LMO7: variants seen among roughly 807,000 people sequenced by gnomAD.
The protein encoded by LMO7 is LIM domain 7.
A neutral mutation model predicts 206.5 loss-of-function variants in LMO7; 120 were observed. The ratio of observed to expected loss-of-function variants is 0.58; its 90% CI spans 0.50 to 0.68. The LOEUF is 0.68. Ranked by LOEUF, LMO7 falls within the 30% of genes least tolerant of loss-of-function variation. The probability of loss-of-function intolerance (pLI) is 0.00; values close to 1 mark genes in which losing one functional copy is unlikely to be tolerated. For synonymous variants in LMO7, 706 were observed against 681.5 expected (o/e 1.04, Z -0.56); for missense variants, 1,959 against 1,957.9 (o/e 1.00, Z -0.01).
At chr13:75,721,182 A>T (rs548340859) in intron 2 of LMO7, among the ~76,000 whole-genome samples, 97 of 152,346 alleles carry the variant, frequency 6.4e-4, no homozygotes, top group African/African-American at 2.2e-3. Flanking sequence ...TGTTGTTGGT[A>T]AGAGCAAAAA....
chr13:75,857,803 G>T, intron 30 of LMO7, 118 bp from the exon 31 acceptor site: 1 of 573,522 alleles, frequency 1.7e-6, no homozygotes, highest in South Asian at 2.8e-5. Context: ...TGAGTGACAG[G>T]TTACTCTTTC....
chr13:75,694,926 G>A (rs1187343638), intron 1 of LMO7, among the ~76,000 whole-genome samples: 1 of 152,100 alleles, frequency 6.6e-6, no homozygotes, highest in Non-Finnish European at 1.5e-5. Flanking sequence ...AGGAGGGAGT[G>A]GCTGGCAAGT....
intron 15 of LMO7, among the ~76,000 whole-genome samples, chr13:75,832,651 AG>A (rs1160208061): frequency 6.6e-6 from 1 of 152,164 alleles, no homozygotes; most frequent in Admixed American, 6.5e-5. Context: ...TATTGGGAGT[AG>A]GTGTTTAAAA....
chr13:75,677,477 C>T (rs1033589585), intron 1 of LMO7, among the ~76,000 whole-genome samples: 1 of 151,890 alleles, frequency 6.6e-6, no homozygotes, highest in Non-Finnish European at 1.5e-5. Flanking sequence ...GATATTTTAG[C>T]GAAAATATCA....
At chr13:75,856,038 T>C (rs372797032) in intron 29 of LMO7, among the ~76,000 whole-genome samples, 1 of 152,154 alleles carries the variant, frequency 6.6e-6, no homozygotes, top group Admixed American at 6.5e-5. Context: ...AATTAGAGTT[T>C]GGGCACATGG....
upstream of LMO7, among the ~76,000 whole-genome samples, chr13:75,634,556 C>G (rs1046105793): frequency 1.4e-4 from 21 of 152,056 alleles, no homozygotes; most frequent in African/African-American, 4.8e-4. Context: ...CTGGCTAACA[C>G]GGTGAAACCT....
chr13:75,821,089 A>T (rs570945755), intron 13 of LMO7, 88 bp from the exon 14 acceptor site: 2 of 925,394 alleles, frequency 2.2e-6, no homozygotes, highest in Non-Finnish European at 3.3e-6. Flanking sequence ...TTTTATTCCC[A>T]GTCCGTTTCA....
At chr13:75,769,803 A>G (rs936077708) in intron 4 of LMO7, among the ~76,000 whole-genome samples, 2 of 152,120 alleles carry the variant, frequency 1.3e-5, no homozygotes, top group African/African-American at 2.4e-5. Context: ...TGTCATTACT[A>G]TAGTTCACTG....
At chr13:75,777,846 C>T (rs549340422) in intron 4 of LMO7, among the ~76,000 whole-genome samples, 93 of 152,054 alleles carry the variant, frequency 6.1e-4, no homozygotes, top group Non-Finnish European at 1.5e-4. Flanking sequence ...GGGGTTTCAC[C>T]GTGTTAGCCA....
intron 2 of LMO7, among the ~76,000 whole-genome samples, chr13:75,718,668 C>A (rs1428588977): frequency 2.0e-5 from 3 of 152,112 alleles, no homozygotes; most frequent in Non-Finnish European, 2.9e-5. Flanking sequence ...CCATGGTTTA[C>A]ATTAGGGTTC....
chr13:75,803,303 C>T (rs1167046457), intron 7 of LMO7, among the ~76,000 whole-genome samples: 3 of 152,174 alleles, frequency 2.0e-5, no homozygotes, highest in Admixed American at 1.3e-4. Context: ...GAAGAGACTG[C>T]ATTTAACTCA....
intron 1 of LMO7, among the ~76,000 whole-genome samples, chr13:75,708,982 G>A (rs145237101): frequency 0.01 from 1,530 of 151,474 alleles, 26 homozygotes; most frequent in African/African-American, 0.03. Flanking sequence ...GGTGTGTGAT[G>A]TTCCCCTTCC....
At chr13:75,638,989 T>G (rs986285062) in intron 1 of LMO7, among the ~76,000 whole-genome samples, 1 of 152,198 alleles carries the variant, frequency 6.6e-6, no homozygotes, top group Non-Finnish European at 1.5e-5. Context: ...ATTGTATATG[T>G]ATGTACATAT....
intron 3 of LMO7, among the ~76,000 whole-genome samples, chr13:75,736,824 A>C (rs1393390651): frequency 6.6e-6 from 1 of 152,244 alleles, no homozygotes; most frequent in Admixed American, 6.5e-5. Flanking sequence ...AAGAATGAAT[A>C]ATCTGAGCCA....
At chr13:75,796,840 C>T in intron 6 of LMO7, 91 bp downstream of exon 6, 1 of 812,768 alleles carries the variant, frequency 1.2e-6, no homozygotes, top group South Asian at 1.6e-5. Context: ...TCCTTCTCCT[C>T]TATAACAAAT....
chr13:75,783,424 A>G (rs1300651104), intron 4 of LMO7, among the ~76,000 whole-genome samples: 5 of 152,130 alleles, frequency 3.3e-5, no homozygotes, highest in Admixed American at 1.3e-4. Context: ...CCTGGGTTCA[A>G]TTGATCCTCC....
intron 1 of LMO7, among the ~76,000 whole-genome samples, chr13:75,688,184 G>A (rs1196627671): frequency 6.6e-6 from 1 of 152,148 alleles, no homozygotes; most frequent in African/African-American, 2.4e-5. Context: ...TTTATTAGCA[G>A]CATGAGAGCA....
At chr13:75,747,153 G>A (rs1253005224) in intron 3 of LMO7, among the ~76,000 whole-genome samples, 1 of 150,960 alleles carries the variant, frequency 6.6e-6, no homozygotes, top group Non-Finnish European at 1.5e-5. Context: ...ATTTTAGTTG[G>A]AAAAAAAAAT....
At chr13:75,622,925 T>C (rs1431903415) in intron 1 of LMO7, among the ~76,000 whole-genome samples, 3 of 152,214 alleles carry the variant, frequency 2.0e-5, no homozygotes, top group Admixed American at 6.5e-5. Context: ...CACAAAATGT[T>C]ACTATAAAAT....
Sources: allele counts gnomAD v4.1 joint callset (sites outside exome capture counted in the v4.1 genomes callset), GRCh38; gene constraint gnomAD v4.1.1; transcripts MANE v1.5; gene names NCBI Gene and HGNC (gene_info 2026-07-23, HGNC 2026-07-21).